Variants in IRF3 observed in about 807,000 individuals in gnomAD.
IRF3 encodes the protein interferon regulatory factor 3.
Under a neutral mutation model 43.2 loss-of-function variants are expected in IRF3, and 29 were observed. The observed-to-expected ratio is 0.67, with a 90% confidence interval of 0.50 to 0.91. IRF3 has a LOEUF of 0.91. Among genes scored for constraint, IRF3 ranks in the 40% least tolerant of loss-of-function variants. IRF3 has a pLI of 0.00. For synonymous variants in IRF3, 228 were observed against 233.9 expected (o/e 0.97, Z 0.23); for missense variants, 505 against 559.1 (o/e 0.90, Z 0.98).
chr19:49,665,149 T>G, intron 1 of IRF3: 1 of 339,816 alleles, frequency 2.9e-6, no homozygotes, highest in East Asian at 5.6e-5. Context: ...CGAAAGTAAG[T>G]ATCCCCACTT....
intron 5 of IRF3, 32 bp downstream of exon 5, chr19:49,662,393 C>T (rs772254165): frequency 2.7e-5 from 43 of 1,596,250 alleles, no homozygotes; most frequent in Non-Finnish European, 3.4e-5. Context: ...CCGCCCAGAC[C>T]TCAGCCCTCC....
chr19:49,659,748 A>C lies in IRF3; in HGVS notation c.1184T>G (p.Ile395Ser). Residue 395 changes from isoleucine to serine, a missense_variant, in exon 8 of 8, where the codon ATT becomes AGT. Coordinates refer to ENST00000377139, the MANE Select transcript of IRF3 (RefSeq NM_001571.6). ...GAGGGAGAGTGGGTGGCTGTTGGAA[A>C]TGTGCAGGTCCACAGTATTCTCCAG... is the stretch of plus-strand genomic sequence containing the variant. Reference protein sequence around the residue: ...SSLENTVDLHISNSHPLSLTS... With the variant: ...SSLENTVDLHSSNSHPLSLTS... 1 of 1,613,860 alleles carries C rather than the reference A, an allele frequency of 6.2e-7. No individual in the cohort carries two copies. The highest frequency in any genetic ancestry group is 8.5e-7 in the Non-Finnish European group (1 of 1,179,914).
At chr19:49,664,458 T>C (rs1416916969) in intron 2 of IRF3, 1 of 1,522,592 alleles carries the variant, frequency 6.6e-7, no homozygotes, top group Non-Finnish European at 8.8e-7. Flanking sequence ...TTCCCGGTTT[T>C]ATTCCCGTAA....
rs372097830 is a variant in IRF3 at position 49,663,314 on chromosome 19, C to T, written c.337+29G>A. On this transcript the variant is annotated intron_variant, in intron 3 of 7. Transcript: ENST00000377139. ...GTGCCAGGAACCCTTGGGGCCCCAG[C>T]CTCCCACACGAACCCCAAGCTGGCA... 36 of 1,614,106 alleles carry T rather than the reference C, an allele frequency of 2.2e-5. No homozygotes were observed. In the African/African-American group the frequency reaches 4.5e-4, roughly 20 times the overall value.
chr19:49,663,815 C>T (rs2081479591), intron 2 of IRF3: 1 of 359,614 alleles, frequency 2.8e-6, no homozygotes, highest in Admixed American at 4.5e-5. Flanking sequence ...CCTGTCTCAG[C>T]CTCCTGAGTA....
intron 3 of IRF3, 33 bp downstream of exon 3, chr19:49,663,310 C>T (rs200811206): frequency 1.2e-6 from 2 of 1,614,102 alleles, no homozygotes; most frequent in East Asian, 2.2e-5. Flanking sequence ...CCTTGGGGCC[C>T]CAGCCTCCCA....
chr19:49,660,679 C>G, intron 7 of IRF3, 34 bp downstream of exon 7: 1 of 1,528,888 alleles, frequency 6.5e-7, no homozygotes, highest in South Asian at 1.2e-5. Context: ...TAAGGCCACC[C>G]CTTTCAGCCC....
At position 49,662,520 on chromosome 19, in the gene IRF3, T is replaced by C. The variant is rs776725625; in HGVS notation, c.506A>G (p.Gln169Arg). ...GTCCAAGCTGGGGCTCCGCAGGGGC[T>C]GAGGGCAGGGCTCAGGGGCTACAGC... ...SLAVAPEPCP[Q>R]PLRSPSLDNP... is the part of the protein sequence containing the mutation. The change falls in exon 5 of 8, where the codon CAG (glutamine) becomes CGG (arginine). Residue 169 changes from glutamine (Q) to arginine (R), a missense_variant. Transcript: ENST00000377139. 6.3e-5 allele frequency: 98 copies of C among 1,550,082 alleles called. 1 individual carries two copies. In the East Asian group the frequency reaches 2.3e-3, roughly 36 times the overall value.
At chr19:49,662,661 T>C (rs747220323) in intron 4 of IRF3, 44 bp from the exon 5 acceptor site, 2 of 1,455,438 alleles carry the variant, frequency 1.4e-6, no homozygotes. Context: ...TCCATATCCT[T>C]TTCTGGAGAC....
Position 49,663,045 on chromosome 19 carries a change from G to A in IRF3, c.408+143C>T, listed in dbSNP as rs925290753. On this transcript the variant is annotated intron_variant, in intron 4 of 7. Transcript: ENST00000377139. ...TGGAATTTTCTCCTGAGGAGACCGG[G>A]GCAGGGACAGACAGGGTCAGCACTG... The A allele has an allele frequency of 5.2e-6, 4 of 763,642 alleles. No individual in the cohort carries two copies. The Admixed American group carries it at 8.1e-5, about 16-fold the overall frequency. 47.3% of individuals were successfully genotyped at this position (763,642 alleles called of 1,614,324 possible). A position where few individuals can be genotyped will look rare whatever the true frequency, so the allele number is the denominator to read the frequency against.
In IRF3 at chr19:49,661,695, TCAGCCTCCC is replaced by T; in HGVS notation, c.982+244_982+252del. 3 of 410,160 alleles carry T rather than the reference TCAGCCTCCC, an allele frequency of 7.3e-6. No individual in the cohort carries two copies. In the South Asian group the frequency reaches 1.2e-4, roughly 16 times the overall value. 25.4% of individuals were successfully genotyped at this position (410,160 alleles called of 1,614,324 possible). A position where few individuals can be genotyped will look rare whatever the true frequency, so the allele number is the denominator to read the frequency against. The stretch of plus-strand genomic sequence containing the variant: ...CCTGGGTTCAAGCAATTCTCCTGCC[TCAGCCTCCC>T]GAGTAGCTGGGATTACAGGCACGTG... On this transcript the variant is annotated intron_variant, in intron 6 of 7. Coordinates refer to ENST00000377139, the MANE Select transcript of IRF3 (RefSeq NM_001571.6).
At chr19:49,660,857 G>T in intron 6 of IRF3, 29 bp from the exon 7 acceptor site, 1 of 1,567,500 alleles carries the variant, frequency 6.4e-7, no homozygotes. Context: ...AGTCAGGGAT[G>T]AGAAGAGGAC....
rs1052011481 is a variant in IRF3, at chr19:49,665,500, T to C, written c.-9+131A>G. On this transcript the variant is annotated intron_variant, in intron 1 of 7. Transcript: ENST00000377139. ...GCAGCCGACCTCCAGCGTCGGCCAC[T>C]GTAGCTCCTTCCTTGCTCCACTTTC... The C allele has an allele frequency of 3.7e-5, 10 of 267,456 alleles. No homozygotes were observed. The South Asian group carries it at 7.2e-4, about 19-fold the overall frequency. 16.6% of individuals were successfully genotyped at this position (267,456 alleles called of 1,614,324 possible). A position where few individuals can be genotyped will look rare whatever the true frequency, so the allele number is the denominator to read the frequency against.
At position 49,662,430 on chromosome 19, in the gene IRF3, C is replaced by G. The variant is rs762343935; in HGVS notation, c.596G>C (p.Gly199Ala). Residue 199 changes from glycine (G) to alanine (A), a missense_variant, in exon 5 of 8, where the codon GGG becomes GCG. Coordinates refer to ENST00000377139, the MANE Select transcript of IRF3 (RefSeq NM_001571.6). ...ENPLKRLLVP[G>A]EEWEFEVTAF... The stretch of plus-strand genomic sequence containing the variant: ...AGCCTGCAGCTGACACTCACCTTCC[C>G]CCGGCACCAACAGCCGCTTCAGTGG... 2.6e-5 allele frequency: 41 copies of G among 1,594,682 alleles called. 1 individual carries two copies. The South Asian group carries it at 3.9e-4, about 15-fold the overall frequency.
intron 1 of IRF3, 110 bp downstream of exon 1, chr19:49,665,521 C>T: frequency 3.3e-6 from 1 of 307,574 alleles, no homozygotes; most frequent in Non-Finnish European, 6.1e-6. Flanking sequence ...CCTTGCTCCA[C>T]TTTCCCCAGA....
At chr19:49,663,577 T>G in intron 2 of IRF3, 63 bp from the exon 3 acceptor site, 2 of 1,522,652 alleles carry the variant, frequency 1.3e-6, no homozygotes, top group Non-Finnish European at 1.8e-6. Flanking sequence ...CCTGGGGCCC[T>G]AACCCTGTCT....
At chr19:49,662,950 G>GC (rs2081407858) in intron 4 of IRF3, among the ~76,000 whole-genome samples, 1 of 152,218 alleles carries the variant, frequency 6.6e-6, no homozygotes, top group Non-Finnish European at 1.5e-5. Flanking sequence ...GAGGCTGACA[G>GC]CCCCCTGCGA....
intron 4 of IRF3, 120 bp downstream of exon 4, chr19:49,663,068 C>G: frequency 2.2e-6 from 2 of 902,594 alleles, no homozygotes; most frequent in Non-Finnish European, 3.7e-6. Context: ...AGGGTCAGCA[C>G]TGGCTCAGGT....
rs778534728 is a variant in IRF3 at position 49,665,830 on chromosome 19, C to T, written c.-208G>A. On this transcript the variant is annotated 5_prime_UTR_variant, in exon 1 of 8. Coordinates refer to ENST00000377139, the MANE Select transcript of IRF3 (RefSeq NM_001571.6). ...GTAACAGACCCAAAAGCCGATGGGA[C>T]GGCCCGCTGGGCTGTTCCCGCCCCT... 2.5e-6 allele frequency: 4 copies of T among 1,590,478 alleles called. No individual in the cohort carries two copies. The highest frequency in any genetic ancestry group is 2.7e-5 in the African/African-American group (2 of 74,544).
Sources: allele counts gnomAD v4.1 joint callset (sites outside exome capture counted in the v4.1 genomes callset), GRCh38; gene constraint gnomAD v4.1.1; transcripts MANE v1.5; gene names NCBI Gene and HGNC (gene_info 2026-07-23, HGNC 2026-07-21).